Variants in HNRNPC observed in about 807,000 individuals in gnomAD.
HNRNPC encodes the protein heterogeneous nuclear ribonucleoproteins C1/C2.
Under a neutral mutation model 33.2 loss-of-function variants are expected in HNRNPC, and 3 were observed. The observed-to-expected ratio is 0.09, with a 90% CI of 0.04 to 0.23. The LOEUF (loss-of-function observed/expected upper bound fraction) is 0.23. Among genes scored for constraint, HNRNPC ranks in the 10% least tolerant of loss-of-function variants. The probability of loss-of-function intolerance (pLI) is 1.00; values close to 1 mark genes in which losing one functional copy is unlikely to be tolerated. For synonymous variants in HNRNPC, 121 were observed against 126.7 expected (o/e 0.96, Z 0.30); for missense variants, 143 against 366.7 (o/e 0.39, Z 4.98).
Position 21,262,173 on chromosome 14 carries a change from T to C in HNRNPC, c.-37+1138A>G, listed in dbSNP as rs540045830. Among the ~76,000 whole-genome samples the C allele has an allele frequency of 5.9e-5, 9 of 152,350 alleles. No homozygotes were observed. In the South Asian group the frequency reaches 1.5e-3, roughly 25 times the overall value. ...TTTTAATATTATGTTGTATCTCCTA[T>C]GGTTTGACTCTTGTGAAATATTAAT... On this transcript the variant is annotated intron_variant, in intron 2 of 8. Transcript: ENST00000553300.
At chr14:21,249,982 T>C (rs1896451055) in intron 2 of HNRNPC, among the ~76,000 whole-genome samples, 1 of 152,122 alleles carries the variant, frequency 6.6e-6, no homozygotes, top group Non-Finnish European at 1.5e-5. Context: ...ATATGCAATA[T>C]GCAAAAATAA....
intron 2 of HNRNPC, among the ~76,000 whole-genome samples, chr14:21,256,480 C>T (rs923460397): frequency 5.3e-5 from 8 of 152,002 alleles, no homozygotes; most frequent in Middle Eastern, 3.4e-3. Flanking sequence ...TCAAACAATA[C>T]ATTTTAGGAT....
At chr14:21,243,229 T>C (rs2139729101) in intron 2 of HNRNPC, among the ~76,000 whole-genome samples, 1 of 152,132 alleles carries the variant, frequency 6.6e-6, no homozygotes, top group Middle Eastern at 3.4e-3. Flanking sequence ...ATTATTCTTT[T>C]GATAATATTT....
chr14:21,224,942 A>G (rs1191678284), intron 5 of HNRNPC, among the ~76,000 whole-genome samples: 1 of 152,158 alleles, frequency 6.6e-6, no homozygotes, highest in African/African-American at 2.4e-5. Flanking sequence ...ATACTGTATT[A>G]CTAGTCATGC....
rs553244667 is a variant in HNRNPC, at chr14:21,218,949, AAAATAC to A, written c.366-5838_366-5833del. 5.6e-3 allele frequency among the ~76,000 whole-genome samples: 846 copies of A among 151,960 alleles called. 7 individuals are homozygous for A. The highest frequency in any genetic ancestry group is 0.02 in the African/African-American group (810 of 41,448). On this transcript the variant is annotated intron_variant, in intron 5 of 8. Transcript: ENST00000553300. ...ATATGATGAAACCCCATCTCTACTA[AAAATAC>A]AAATATTAGCTGGGCATGGTGGCAC...
At chr14:21,244,122 G>A (rs1052573617) in intron 2 of HNRNPC, among the ~76,000 whole-genome samples, 2 of 150,972 alleles carry the variant, frequency 1.3e-5, no homozygotes, top group Admixed American at 6.6e-5. Context: ...TCTGCCTTCC[G>A]AGTAGCTGGG....
Position 21,211,558 on chromosome 14 carries a change from T to C in HNRNPC, c.646A>G (p.Lys216Glu). Residue 216 changes from lysine to glutamate, a missense_variant, in exon 8 of 9, where the codon AAG (lysine) becomes GAG (glutamate). By Grantham distance (56) the Lys-to-Glu change is moderately conservative. Coordinates refer to ENST00000553300, the MANE Select transcript of HNRNPC (RefSeq NM_004500.4). The stretch of plus-strand genomic sequence containing the variant: ...TGCTCCTCTTCTGACTTATCATTCT[T>C]CATCTCTACTGCGGATGAGAAGGAC... ...KEQSKQAVEM[K>E]NDKSEEEQSS... 1 of 1,609,022 alleles carries C rather than the reference T, an allele frequency of 6.2e-7. No individual in the cohort carries two copies. Among genetic ancestry groups the C allele is most frequent in the Non-Finnish European group, 8.5e-7 (1 of 1,177,418 alleles).
At chr14:21,217,014 C>T (rs10131045) in intron 5 of HNRNPC, among the ~76,000 whole-genome samples, 56,257 of 152,006 alleles carry the variant, frequency 0.37, 10,606 homozygotes, top group African/African-American at 0.43. Flanking sequence ...AGTAATAGTT[C>T]TGTTTTGAAT....
At chr14:21,230,782 A>T in intron 4 of HNRNPC, 1 of 540,504 alleles carries the variant, frequency 1.9e-6, no homozygotes, top group Non-Finnish European at 3.2e-6. Flanking sequence ...AGGGATTTTT[A>T]ATTCTCTAGA....
At chr14:21,234,977 G>C (rs1894525133) in intron 2 of HNRNPC, 1 of 152,124 alleles carries the variant, frequency 6.6e-6, no homozygotes. Flanking sequence ...TGGTGATGAT[G>C]ATAAAACTAG....
At chr14:21,226,327 GAAAAA>G (rs374686866) in intron 5 of HNRNPC, among the ~76,000 whole-genome samples, 2 of 110,646 alleles carry the variant, frequency 1.8e-5, no homozygotes, top group South Asian at 2.9e-4. Flanking sequence ...GTTTCCAAAA[GAAAAA>G]AAAAAAAAAA....
At chr14:21,251,447 G>A (rs777696231) in intron 2 of HNRNPC, among the ~76,000 whole-genome samples, 3 of 152,022 alleles carry the variant, frequency 2.0e-5, no homozygotes, top group Non-Finnish European at 2.9e-5. Context: ...GGGAGGCAGA[G>A]GCGGGCAGAT....
intron 2 of HNRNPC, among the ~76,000 whole-genome samples, chr14:21,259,906 A>G (rs1877898577): frequency 6.6e-6 from 1 of 151,220 alleles, no homozygotes; most frequent in South Asian, 2.1e-4. Flanking sequence ...AACAATAAAA[A>G]ATAGTCAGGT....
chr14:21,230,099 G>C (rs528614823), intron 5 of HNRNPC, among the ~76,000 whole-genome samples: 2 of 152,032 alleles, frequency 1.3e-5, no homozygotes, highest in African/African-American at 4.8e-5. Context: ...TAGTAGAAAC[G>C]GGTTTCACCA....
In HNRNPC at chr14:21,251,868, G is replaced by A. The variant is rs535482114; in HGVS notation, c.-37+11443C>T. Among the ~76,000 whole-genome samples the A allele has an allele frequency of 2.0e-5, 3 of 151,636 alleles. No homozygotes were observed. The South Asian group carries it at 6.2e-4, about 31-fold the overall frequency. On this transcript the variant is annotated intron_variant, in intron 2 of 8. Transcript: ENST00000553300. ...ACATCAGTTAAGATCAGTTTTTTTT[G>A]CCAAATTGAGTCTTGGTGTCAAATG...
Position 21,215,695 on chromosome 14 carries a change from T to C in HNRNPC, c.366-2578A>G, listed in dbSNP as rs566436886. 3.8e-4 allele frequency among the ~76,000 whole-genome samples: 58 copies of C among 152,068 alleles called. 1 individual carries two copies. The highest frequency in any genetic ancestry group is 1.3e-3 in the African/African-American group (53 of 41,496). ...GCAGGTGGATCATGAGGTTACGAGT[T>C]GAGACCAGCCTGACCAACATGGGGA... On this transcript the variant is annotated intron_variant, in intron 5 of 8. Transcript: ENST00000553300.
intron 2 of HNRNPC, among the ~76,000 whole-genome samples, chr14:21,262,159 T>A (rs1714079973): frequency 6.6e-6 from 1 of 152,224 alleles, no homozygotes; most frequent in African/African-American, 2.4e-5. Context: ...TTTAATATTA[T>A]GTTGTATCTC....
At chr14:21,254,513 T>C (rs1273586655) in intron 2 of HNRNPC, 2 of 152,228 alleles carry the variant, frequency 1.3e-5, no homozygotes, top group Admixed American at 6.5e-5. Flanking sequence ...TGTATTACTT[T>C]ATTCGGATCA....
intron 2 of HNRNPC, among the ~76,000 whole-genome samples, chr14:21,242,260 A>G (rs889527632): frequency 2.0e-5 from 3 of 152,184 alleles, no homozygotes; most frequent in African/African-American, 7.2e-5. Flanking sequence ...CAAGGCAGGA[A>G]GATCACGAGG....
Sources: gnomAD v4.1 joint callset for allele counts (sites outside exome capture counted in the v4.1 genomes callset) on GRCh38, gnomAD v4.1.1 for gene constraint, MANE v1.5 for transcripts, NCBI Gene and HGNC (gene_info 2026-07-23, HGNC 2026-07-21) for gene names.